Variants in PNPLA5 observed in about 807,000 individuals in gnomAD.
PNPLA5 encodes the protein patatin-like phospholipase domain-containing protein 5.
Under a neutral mutation model 49.1 loss-of-function variants are expected in PNPLA5, and 44 were observed. The observed-to-expected ratio is 0.90, with a 90% CI of 0.70 to 1.15. The LOEUF (loss-of-function observed/expected upper bound fraction) is 1.15, where lower values mean the gene tolerates loss of function less well. Among genes scored for constraint, PNPLA5 ranks in the 50% most tolerant of loss-of-function variants. PNPLA5 has a pLI of 0.00. For missense variants in PNPLA5, 603 were observed against 564.0 expected (o/e 1.07, Z -0.70); for synonymous variants, 243 against 244.4 (o/e 0.99, Z 0.06).
At position 43,881,610 on chromosome 22, in the gene PNPLA5, T is replaced by C; in HGVS notation, c.1147A>G (p.Met383Val). 6.2e-7 allele frequency: 1 copy of C among 1,612,962 alleles called. No homozygotes were observed. The highest frequency in any genetic ancestry group is 8.5e-7 in the Non-Finnish European group (1 of 1,179,560). ...GTCCTGGAGAAAACCTCGAGGGCCA[T>C]GTTCCTCAGCAGGCCCTGCATCCAC... The part of the protein sequence containing the change: ...LWWMQGLLRN[M>V]ALEVFSRTKA... The change falls in exon 8 of 9, where the codon ATG (methionine) becomes GTG (valine). Residue 383 changes from methionine (M) to valine (V), a missense_variant. Coordinates refer to ENST00000216177, the MANE Select transcript of PNPLA5 (RefSeq NM_138814.4).
chr22:43,880,169 T>A lies in PNPLA5; in HGVS notation c.*626A>T. 1 of 369,928 alleles carries A rather than the reference T, an allele frequency of 2.7e-6. No individual in the cohort carries two copies. The highest frequency in any genetic ancestry group is 4.6e-5 in the Admixed American group (1 of 21,688). The allele number at this position is 369,928 out of a possible 1,614,324, so 22.9% of individuals were successfully genotyped here. The stretch of plus-strand genomic sequence containing the variant: ...TTCTGCAGGAATGAGGCTGTGGGGA[T>A]AGCAGGGGCCACTGGGCCCAACAGA... On this transcript the variant is annotated 3_prime_UTR_variant, in exon 9 of 9. Transcript: ENST00000216177.
intron 6 of PNPLA5, among the ~76,000 whole-genome samples, chr22:43,884,722 A>G (rs1443927686): frequency 8.9e-6 from 1 of 111,742 alleles, no homozygotes; most frequent in Non-Finnish European, 2.0e-5. Context: ...CTCTCACCAC[A>G]CTCTCTCATA....
chr22:43,886,433 C>T lies in PNPLA5; in HGVS notation c.819G>A (p.Pro273=), dbSNP rs187884730. The T allele has an allele frequency of 2.4e-5, 38 of 1,614,116 alleles. No individual in the cohort carries two copies. Among genetic ancestry groups the T allele is most frequent in the South Asian group, 1.6e-4 (15 of 91,070 alleles). Residue 273 remains proline, a synonymous_variant, in exon 6 of 9, where the codon CCG becomes CCA. Transcript: ENST00000216177. ...WTLVSKEPPA[P]ADGNWDAGCD... Reference sequence around the variant, plus strand: ...AGCCAGCATCCCAGTTTCCGTCAGCCGGGGCTGGGGGTTCCTTAGACACCA... The same window carrying T: ...AGCCAGCATCCCAGTTTCCGTCAGCTGGGGCTGGGGGTTCCTTAGACACCA...
At chr22:43,886,646 C>A (rs1276433037) in intron 5 of PNPLA5, 158 bp from the exon 6 acceptor site, 1 of 978,638 alleles carries the variant, frequency 1.0e-6, no homozygotes, top group Non-Finnish European at 1.2e-6. Context: ...TCTGCCTTCC[C>A]CTGGCCCTGC....
chr22:43,886,769 C>G (rs1374494064), intron 5 of PNPLA5, among the ~76,000 whole-genome samples: 2 of 152,164 alleles, frequency 1.3e-5, no homozygotes, highest in Non-Finnish European at 2.9e-5. Flanking sequence ...GACCCAATGC[C>G]CTTTGCCTCA....
At chr22:43,890,420 A>ATTTTTGGT (rs2049710713) in intron 2 of PNPLA5, among the ~76,000 whole-genome samples, 1 of 152,172 alleles carries the variant, frequency 6.6e-6, no homozygotes, top group African/African-American at 2.4e-5. Context: ...ACACCTAACA[A>ATTTTTGGT]TGTCAGAGAC....
rs766882935 is a variant in PNPLA5, at chr22:43,889,376, C to T, written c.655G>A (p.Glu219Lys). ...VFNFSFQISTENFFLGLICLI... is the reference protein window; with the variant it reads ...VFNFSFQISTKNFFLGLICLI... Reference sequence around the variant, plus strand: ...CATATGAGCCCCAGGAAGAAGTTCTCAGTGGAGATTTGGAAGCTGAAGTTG... The same window carrying T: ...CATATGAGCCCCAGGAAGAAGTTCTTAGTGGAGATTTGGAAGCTGAAGTTG... Residue 219 changes from glutamate (E) to lysine (K), a missense_variant, in exon 4 of 9, where the codon GAG becomes AAG. Glu to Lys is a moderately conservative substitution (Grantham distance 56, BLOSUM62 1). Transcript: ENST00000216177. 6.2e-7 allele frequency: 1 copy of T among 1,613,942 alleles called. No individual in the cohort carries two copies. Among genetic ancestry groups the T allele is most frequent in the Non-Finnish European group, 8.5e-7 (1 of 1,179,986 alleles).
chr22:43,889,631 C>A, intron 3 of PNPLA5, 93 bp from the exon 4 acceptor site: 1 of 1,532,950 alleles, frequency 6.5e-7, no homozygotes, highest in Non-Finnish European at 8.8e-7. Flanking sequence ...GTCCCTGAGT[C>A]ACCAGGGCCA....
intron 4 of PNPLA5, among the ~76,000 whole-genome samples, chr22:43,888,256 G>C (rs2049685664): frequency 6.6e-6 from 1 of 152,068 alleles, no homozygotes; most frequent in Admixed American, 6.6e-5. Flanking sequence ...CCGCCCAGGG[G>C]TGTGGGGAGT....
At chr22:43,883,318 G>T (rs1194825985) in intron 7 of PNPLA5, among the ~76,000 whole-genome samples, 3 of 152,236 alleles carry the variant, frequency 2.0e-5, no homozygotes, top group Non-Finnish European at 4.4e-5. Context: ...TTTGTAGGTC[G>T]TGAGCTCCAC....
At chr22:43,891,364 G>A (rs906536904) in intron 1 of PNPLA5, 70 bp from the exon 2 acceptor site, 5 of 1,479,074 alleles carry the variant, frequency 3.4e-6, no homozygotes, top group Non-Finnish European at 4.4e-6. Flanking sequence ...CACCCCCACT[G>A]CCCTCCTAGG....
At chr22:43,885,047 G>A (rs1252827038) in intron 6 of PNPLA5, among the ~76,000 whole-genome samples, 1 of 152,244 alleles carries the variant, frequency 6.6e-6, no homozygotes, top group African/African-American at 2.4e-5. Flanking sequence ...ATAAACTGGG[G>A]ATCCCAGCAG....
chr22:43,887,731 T>C, intron 4 of PNPLA5, 80 bp from the exon 5 acceptor site: 1 of 1,550,064 alleles, frequency 6.5e-7, no homozygotes, highest in Non-Finnish European at 8.7e-7. Flanking sequence ...CAGAGACTTA[T>C]CTTCAACTGG....
At chr22:43,890,608 C>G (rs1161083281) in intron 2 of PNPLA5, among the ~76,000 whole-genome samples, 1 of 152,210 alleles carries the variant, frequency 6.6e-6, no homozygotes, top group Non-Finnish European at 1.5e-5. Flanking sequence ...CGCCTGCCCC[C>G]CAGAACCACT....
intron 2 of PNPLA5, 119 bp from the exon 3 acceptor site, chr22:43,889,983 A>G (rs572013695): frequency 6.8e-7 from 1 of 1,476,428 alleles, no homozygotes; most frequent in African/African-American, 1.4e-5. Flanking sequence ...TCCCACGTCC[A>G]GATGAGGGAG....
intron 4 of PNPLA5, among the ~76,000 whole-genome samples, chr22:43,887,904 C>T (rs376874750): frequency 2.0e-5 from 3 of 152,352 alleles, no homozygotes; most frequent in South Asian, 2.1e-4. Flanking sequence ...GCATCTCCCC[C>T]CTGAGACACC....
intron 1 of PNPLA5, 105 bp from the exon 2 acceptor site, chr22:43,891,399 A>C: frequency 7.0e-7 from 1 of 1,425,968 alleles, no homozygotes; most frequent in Non-Finnish European, 9.1e-7. Flanking sequence ...GGTCCTCCCC[A>C]CTCCAGCTCA....
intron 8 of PNPLA5, 113 bp downstream of exon 8, chr22:43,881,445 G>T: frequency 9.3e-7 from 1 of 1,080,194 alleles, no homozygotes; most frequent in Non-Finnish European, 1.3e-6. Context: ...ACGCAGGTAA[G>T]CAGGTGGGCA....
chr22:43,891,381 G>A lies in PNPLA5; in HGVS notation c.194-87C>T, dbSNP rs150901588. 2.0e-3 allele frequency: 2,856 copies of A among 1,453,286 alleles called. 32 individuals carry two copies. Among genetic ancestry groups the A allele is most frequent in the South Asian group, 0.018 (1,247 of 69,916 alleles). 90.0% of individuals were successfully genotyped at this position (1,453,286 alleles called of 1,614,324 possible). On this transcript the variant is annotated intron_variant, in intron 1 of 8. Transcript: ENST00000216177. ...CCCCCACTGCCCTCCTAGGTGCAGT[G>A]GGAGCGGGGTCCTCCCCACTCCAGC...
Sources: allele counts gnomAD v4.1 joint callset (sites outside exome capture counted in the v4.1 genomes callset), GRCh38; gene constraint gnomAD v4.1.1; transcripts MANE v1.5; gene names NCBI Gene and HGNC (gene_info 2026-07-23, HGNC 2026-07-21).